The following FSHR variants were observed in gnomAD, a reference collection of about 807,000 sequenced individuals.
The protein encoded by FSHR is follicle stimulating hormone receptor.
A neutral mutation model predicts 52.1 loss-of-function variants in FSHR; 46 were observed. That is an observed-to-expected ratio of 0.88 (90% CI 0.70 to 1.13). FSHR has a LOEUF of 1.13. Ranked by LOEUF, FSHR falls within the 50% of genes most tolerant of loss-of-function variation. The pLI is 0.00. For missense variants in FSHR, 964 were observed against 834.6 expected, an observed-to-expected ratio of 1.16 and a Z score of -1.91; for synonymous variants, 399 against 309.6, an observed-to-expected ratio of 1.29 and a Z score of -3.03.
At chr2:48,992,978 A>T (rs2104111273) in intron 4 of FSHR, among the ~76,000 whole-genome samples, 1 of 152,136 alleles carries the variant, frequency 6.6e-6, no homozygotes, top group Admixed American at 6.5e-5. Context: ...GCCTCTCTGG[A>T]TCATTTAGCA....
At chr2:48,966,655 G>A (rs1485193648) in intron 9 of FSHR, among the ~76,000 whole-genome samples, 2 of 152,180 alleles carry the variant, frequency 1.3e-5, no homozygotes, top group Non-Finnish European at 2.9e-5. Context: ...GATATACAAT[G>A]AAATGTCACT....
At chr2:49,112,987 A>G (rs1311101109) in intron 1 of FSHR, among the ~76,000 whole-genome samples, 2 of 152,136 alleles carry the variant, frequency 1.3e-5, no homozygotes, top group African/African-American at 4.8e-5. Context: ...GGAAGGGAAA[A>G]GAAAAGCCTC....
intron 4 of FSHR, among the ~76,000 whole-genome samples, chr2:49,006,435 T>A (rs1667078950): frequency 6.6e-6 from 1 of 152,160 alleles, no homozygotes; most frequent in South Asian, 2.1e-4. Flanking sequence ...AATCTAGTCA[T>A]ACTCTTTCTC....
chr2:49,029,727 C>T (rs1330345791), intron 2 of FSHR, among the ~76,000 whole-genome samples: 1 of 152,174 alleles, frequency 6.6e-6, no homozygotes. Flanking sequence ...TCACTGGAGT[C>T]AGGAGGCCTA....
chr2:49,085,507 G>T (rs1471461275), intron 1 of FSHR, among the ~76,000 whole-genome samples: 1 of 152,186 alleles, frequency 6.6e-6, no homozygotes, highest in Non-Finnish European at 1.5e-5. Flanking sequence ...CAATTAGGCA[G>T]AGCTTTACTT....
At chr2:49,035,317 G>T (rs1306168798) in intron 2 of FSHR, among the ~76,000 whole-genome samples, 1 of 152,176 alleles carries the variant, frequency 6.6e-6, no homozygotes, top group Non-Finnish European at 1.5e-5. Context: ...ATTTCACATT[G>T]CCTTTCATTT....
At chr2:49,131,399 G>T (rs2103811446) in intron 1 of FSHR, among the ~76,000 whole-genome samples, 2 of 152,254 alleles carry the variant, frequency 1.3e-5, no homozygotes, top group Non-Finnish European at 2.9e-5. Flanking sequence ...TAAGCATAGT[G>T]TGATCTGAGC....
rs114545686 is a variant in FSHR at position 49,124,475 on chromosome 2, C to T, written c.152+29791G>A. Among the ~76,000 whole-genome samples, 218 of 152,144 alleles carry T rather than the reference C, an allele frequency of 1.4e-3. 1 individual carries two copies. Among genetic ancestry groups the T allele is most frequent in the Middle Eastern group, 0.014 (4 of 294 alleles). On this transcript the variant is annotated intron_variant, in intron 1 of 9. Transcript: ENST00000406846. The stretch of plus-strand genomic sequence containing the variant: ...TAAAGAGCTGTCTTTCCTAGTTTTA[C>T]GCCTATCTCATGATCTTCATCCTCC...
intron 1 of FSHR, among the ~76,000 whole-genome samples, chr2:49,142,094 C>G (rs1321786003): frequency 1.3e-5 from 2 of 152,174 alleles, no homozygotes; most frequent in Admixed American, 6.5e-5. Context: ...GCTTGAGAAG[C>G]CCTTTCATTT....
At chr2:49,131,820 A>G (rs369004656) in intron 1 of FSHR, among the ~76,000 whole-genome samples, 2 of 152,144 alleles carry the variant, frequency 1.3e-5, no homozygotes, top group Non-Finnish European at 2.9e-5. Flanking sequence ...TCTACCAACT[A>G]TGGCTTCTCT....
chr2:49,153,823 C>A lies in FSHR; in HGVS notation c.152+443G>T, dbSNP rs560703015. The stretch of plus-strand genomic sequence containing the variant: ...TTATTTGCTGCTGCCTTCAAAACGA[C>A]AAAGACTATGGCCTTTTAGATTCAG... On this transcript the variant is annotated intron_variant, in intron 1 of 9. Transcript: ENST00000406846. 1.8e-4 allele frequency among the ~76,000 whole-genome samples: 28 copies of A among 152,280 alleles called. 1 individual carries two copies. The South Asian group carries it at 5.4e-3, about 29-fold the overall frequency.
intron 1 of FSHR, among the ~76,000 whole-genome samples, chr2:49,099,783 C>T (rs549255442): frequency 3.7e-4 from 57 of 152,200 alleles, no homozygotes; most frequent in Admixed American, 1.2e-3. Flanking sequence ...AAGAAAGAGG[C>T]ATGGAACTGT....
intron 1 of FSHR, among the ~76,000 whole-genome samples, chr2:49,127,895 C>T (rs200408081): frequency 0.058 from 1,273 of 21,974 alleles, 126 homozygotes; most frequent in African/African-American, 0.16. Context: ...TCTTCTTCTT[C>T]TTCTTTTTTT....
chr2:49,135,945 T>A (rs1417257703), intron 1 of FSHR, among the ~76,000 whole-genome samples: 2 of 151,894 alleles, frequency 1.3e-5, no homozygotes, highest in Non-Finnish European at 2.9e-5. Context: ...AGACAAGGGG[T>A]TGTCTTGGGG....
chr2:49,105,841 C>T (rs970354741), intron 1 of FSHR, among the ~76,000 whole-genome samples: 6 of 152,074 alleles, frequency 3.9e-5, no homozygotes, highest in Non-Finnish European at 8.8e-5. Context: ...GCTGTATGTT[C>T]CAAGTTGATG....
rs372095287 is a variant in FSHR, at chr2:49,128,542, G to A, written c.152+25724C>T. 1.7e-3 allele frequency among the ~76,000 whole-genome samples: 262 copies of A among 152,012 alleles called. 3 individuals are homozygous for A. Among genetic ancestry groups the A allele is most frequent in the African/African-American group, 6.1e-3 (253 of 41,508 alleles). The stretch of plus-strand genomic sequence containing the variant: ...AAAGCTGACTTTTCATCTTTATTCA[G>A]GTCAAGAAGAAAAGCAAGGGATGAT... On this transcript the variant is annotated intron_variant, in intron 1 of 9. Transcript: ENST00000406846.
intron 9 of FSHR, among the ~76,000 whole-genome samples, chr2:48,967,991 T>C (rs1231226437): frequency 6.6e-6 from 1 of 152,230 alleles, no homozygotes; most frequent in Non-Finnish European, 1.5e-5. Flanking sequence ...TTACCTCCAA[T>C]GGATCATTTA....
intron 4 of FSHR, among the ~76,000 whole-genome samples, chr2:49,007,714 G>A (rs546750433): frequency 2.2e-4 from 33 of 152,130 alleles, no homozygotes; most frequent in African/African-American, 7.7e-4. Context: ...TAGGAATAAC[G>A]GAAAGGAAAA....
intron 1 of FSHR, among the ~76,000 whole-genome samples, chr2:49,154,032 C>T (rs887263643): frequency 6.6e-6 from 1 of 152,084 alleles, no homozygotes; most frequent in African/African-American, 2.4e-5. Flanking sequence ...CTTTGGATTC[C>T]GGTTCTCTGA....
Sources: allele counts gnomAD v4.1 joint callset (sites outside exome capture counted in the v4.1 genomes callset), GRCh38; gene constraint gnomAD v4.1.1; transcripts MANE v1.5; gene names NCBI Gene and HGNC (gene_info 2026-07-23, HGNC 2026-07-21).